TRPM3: variants seen among roughly 807,000 people sequenced by gnomAD.
TRPM3 encodes long transient receptor potential channel 3.
A neutral mutation model predicts 181.2 loss-of-function variants in TRPM3; 77 were observed. The ratio of observed to expected loss-of-function variants is 0.42; its 90% confidence interval spans 0.35 to 0.51. The LOEUF is 0.51. Among genes scored for constraint, TRPM3 ranks in the 20% least tolerant of loss-of-function variants. TRPM3 has a pLI of 0.01. For missense variants in TRPM3, 1,759 were observed against 2,196.7 expected (o/e 0.80, Z 3.98); for synonymous variants, 745 against 796.4 (o/e 0.94, Z 1.09).
chr9:70,785,897 C>A (rs1364563604), intron 6 of TRPM3, among the ~76,000 whole-genome samples: 1 of 152,072 alleles, frequency 6.6e-6, no homozygotes, highest in Non-Finnish European at 1.5e-5. Flanking sequence ...AGGCAAGATG[C>A]CAAGATTTCT....
chr9:71,389,611 TAAAC>T (rs2093013114), intron 1 of TRPM3, among the ~76,000 whole-genome samples: 1 of 152,014 alleles, frequency 6.6e-6, no homozygotes. Context: ...AGTGGATAAA[TAAAC>T]TGTGGTGTAC....
At chr9:70,546,677 A>G (rs911120059) in intron 25 of TRPM3, among the ~76,000 whole-genome samples, 3 of 119,930 alleles carry the variant, frequency 2.5e-5, no homozygotes, top group African/African-American at 8.8e-5. Context: ...TCCTCATCGG[A>G]AAAAAAAAAA....
intron 1 of TRPM3, among the ~76,000 whole-genome samples, chr9:71,184,491 A>G (rs1268101651): frequency 7.9e-5 from 12 of 152,086 alleles, no homozygotes; most frequent in African/African-American, 2.9e-4. Context: ...CAAAGCCCCA[A>G]AAATGGAAGT....
chr9:71,363,571 C>T (rs559092400), intron 1 of TRPM3, among the ~76,000 whole-genome samples: 1 of 152,158 alleles, frequency 6.6e-6, no homozygotes, highest in South Asian at 2.1e-4. Flanking sequence ...GCTCTATCCA[C>T]CTATATAAAA....
At chr9:71,300,892 C>T (rs2086708291) in intron 1 of TRPM3, among the ~76,000 whole-genome samples, 1 of 152,018 alleles carries the variant, frequency 6.6e-6, no homozygotes, top group Non-Finnish European at 1.5e-5. Context: ...ATTCTCAGGA[C>T]CAAATTGGAT....
At chr9:71,293,980 C>A (rs924713255) in intron 1 of TRPM3, among the ~76,000 whole-genome samples, 2 of 151,866 alleles carry the variant, frequency 1.3e-5, no homozygotes, top group African/African-American at 2.4e-5. Flanking sequence ...ATATAAAACA[C>A]AATACAACAC....
chr9:71,038,381 T>C (rs1565043278), intron 1 of TRPM3, among the ~76,000 whole-genome samples: 1 of 152,204 alleles, frequency 6.6e-6, no homozygotes, highest in African/African-American at 2.4e-5. Context: ...GCTAAAATCA[T>C]TTTTACTGGC....
intron 3 of TRPM3, among the ~76,000 whole-genome samples, chr9:70,851,658 C>T (rs2095234640): frequency 6.6e-6 from 1 of 152,168 alleles, no homozygotes; most frequent in Non-Finnish European, 1.5e-5. Flanking sequence ...ATGTTTGTTA[C>T]TCAGCTAGTA....
chr9:70,757,492 G>A (rs1464312749), intron 8 of TRPM3, among the ~76,000 whole-genome samples: 1 of 152,166 alleles, frequency 6.6e-6, no homozygotes, highest in Non-Finnish European at 1.5e-5. Flanking sequence ...TATGAAGCCA[G>A]CATCATCCTG....
chr9:70,933,211 T>G (rs2096792421), intron 1 of TRPM3, among the ~76,000 whole-genome samples: 1 of 152,014 alleles, frequency 6.6e-6, no homozygotes, highest in Admixed American at 6.6e-5. Context: ...TAGGAGACAG[T>G]TGGGTGTGTG....
chr9:71,104,062 G>A (rs150644999), intron 1 of TRPM3, among the ~76,000 whole-genome samples: 1,886 of 152,062 alleles, frequency 0.012, 36 homozygotes, highest in African/African-American at 0.042. Flanking sequence ...CTACAGGAGC[G>A]TGCCACCATG....
At chr9:70,584,913 G>T (rs997037191) in intron 22 of TRPM3, among the ~76,000 whole-genome samples, 1 of 152,096 alleles carries the variant, frequency 6.6e-6, no homozygotes, top group Non-Finnish European at 1.5e-5. Flanking sequence ...ACTATATCTG[G>T]GGTGCAGAGT....
At chr9:70,908,719 A>T (rs955444660) in intron 1 of TRPM3, among the ~76,000 whole-genome samples, 2 of 152,220 alleles carry the variant, frequency 1.3e-5, no homozygotes, top group African/African-American at 4.8e-5. Context: ...ACTCACACAT[A>T]TGAACAGTTA....
intron 25 of TRPM3, among the ~76,000 whole-genome samples, chr9:70,549,314 G>A (rs2045883294): frequency 6.6e-6 from 1 of 152,118 alleles, no homozygotes; most frequent in African/African-American, 2.4e-5. Flanking sequence ...CTTCTGTCTG[G>A]GAGGACAGCT....
chr9:71,231,674 T>C (rs72733853), intron 1 of TRPM3, among the ~76,000 whole-genome samples: 2 of 152,124 alleles, frequency 1.3e-5, no homozygotes, highest in African/African-American at 4.8e-5. Flanking sequence ...TAAATTAACA[T>C]AGCAACAGAA....
intron 6 of TRPM3, among the ~76,000 whole-genome samples, chr9:70,815,894 A>C (rs757432182): frequency 1.3e-4 from 20 of 152,236 alleles, no homozygotes; most frequent in Non-Finnish European, 1.9e-4. Context: ...TGGAGGAAAA[A>C]GATGTTAAGC....
In TRPM3 at chr9:71,424,882, A is replaced by G. The variant is rs1277960490; in HGVS notation, c.183+21771T>C. ...CACTGTCTCCATGACCTCACTTGTC[A>G]TTCATTCCTCAGCCTACTCCAGTCT... On this transcript the variant is annotated intron_variant, in intron 1 of 24. Transcript: ENST00000357533. 2.0e-5 allele frequency among the ~76,000 whole-genome samples: 3 copies of G among 152,142 alleles called. No homozygotes were observed. In the East Asian group the frequency reaches 5.8e-4, roughly 29 times the overall value.
intron 1 of TRPM3, among the ~76,000 whole-genome samples, chr9:71,412,480 G>C (rs2093569712): frequency 6.6e-6 from 1 of 152,184 alleles, no homozygotes; most frequent in African/African-American, 2.4e-5. Flanking sequence ...CATTTATGCA[G>C]CCAACAGACA....
Position 71,032,155 on chromosome 9 carries a change from T to C in TRPM3, c.177+89023A>G, listed in dbSNP as rs2057581115. Among the ~76,000 whole-genome samples, 3 of 104,520 alleles carry C rather than the reference T, an allele frequency of 2.9e-5. No individual in the cohort carries two copies. The South Asian group carries it at 7.8e-4, about 27-fold the overall frequency. The allele number at this position is 104,520 out of a possible 152,430, so 68.6% of individuals were successfully genotyped here. ...TTAATGGTGGATTATATATACTATA[T>C]ATTATATAATATATTATATATACTA... On this transcript the variant is annotated intron_variant, in intron 1 of 25. Coordinates refer to ENST00000677713, the MANE Select transcript of TRPM3 (RefSeq NM_001366145.2).
Sources: allele counts gnomAD v4.1 joint callset (sites outside exome capture counted in the v4.1 genomes callset), GRCh38; gene constraint gnomAD v4.1.1; transcripts MANE v1.5; gene names NCBI Gene and HGNC (gene_info 2026-07-23, HGNC 2026-07-21).